Variants in NRXN1 observed in about 807,000 individuals in gnomAD.
NRXN1 encodes the protein neurexin-1.
In NRXN1, 39 loss-of-function variants were observed where a neutral mutation model predicts 150.9. That is an observed-to-expected ratio of 0.26 (90% CI 0.20 to 0.34). The LOEUF (loss-of-function observed/expected upper bound fraction) is 0.34. NRXN1 is among the 10% of genes least tolerant of loss of function. The pLI is 1.00. For missense variants in NRXN1, 1,815 were observed against 1,949.9 expected (o/e 0.93, Z 1.30); for synonymous variants, 924 against 757.0 (o/e 1.22, Z -3.62).
chr2:50,575,623 A>C (rs1671325271), intron 8 of NRXN1, among the ~76,000 whole-genome samples: 1 of 152,234 alleles, frequency 6.6e-6, no homozygotes. Flanking sequence ...ACAAATTCTA[A>C]AAATAGATAT....
At chr2:50,485,452 G>A (rs1047099660) in intron 15 of NRXN1, among the ~76,000 whole-genome samples, 3 of 152,248 alleles carry the variant, frequency 2.0e-5, no homozygotes, top group Admixed American at 6.5e-5. Flanking sequence ...GCTCTCAGAG[G>A]AGGGTCTCCT....
chr2:50,200,726 G>A (rs907836521), intron 18 of NRXN1, among the ~76,000 whole-genome samples: 2 of 152,062 alleles, frequency 1.3e-5, no homozygotes, highest in African/African-American at 4.8e-5. Context: ...CAGATACAAT[G>A]AATGAAATGA....
At chr2:50,432,301 C>T (rs903935663) in intron 17 of NRXN1, 1 of 152,156 alleles carries the variant, frequency 6.6e-6, no homozygotes, top group Non-Finnish European at 1.5e-5. Context: ...TTCTTTAATG[C>T]CTTTATTCTC....
intron 17 of NRXN1, among the ~76,000 whole-genome samples, chr2:50,404,202 T>G (rs950327162): frequency 1.4e-4 from 21 of 150,794 alleles, no homozygotes; most frequent in East Asian, 5.9e-4. Flanking sequence ...TGTTGTTGTT[T>G]TTGGTCATAG....
intron 8 of NRXN1, among the ~76,000 whole-genome samples, chr2:50,566,218 T>C (rs1486604920): frequency 6.6e-6 from 1 of 152,030 alleles, no homozygotes; most frequent in Non-Finnish European, 1.5e-5. Context: ...CTAATTGCCT[T>C]TGATTAGCTT....
At chr2:50,670,963 T>C (rs920613921) in intron 5 of NRXN1, among the ~76,000 whole-genome samples, 3 of 151,912 alleles carry the variant, frequency 2.0e-5, no homozygotes, top group Non-Finnish European at 1.5e-5. Flanking sequence ...TGTATCACTT[T>C]AGAGTTAATA....
At position 50,952,128 on chromosome 2, in the gene NRXN1, A is replaced by G. The variant is rs1028397403; in HGVS notation, c.773-26173T>C. Among the ~76,000 whole-genome samples the G allele has an allele frequency of 2.0e-3, 296 of 150,998 alleles. 4 individuals are homozygous for G. The highest frequency in any genetic ancestry group is 7.0e-3 in the African/African-American group (288 of 41,312). Reference sequence around the variant, plus strand: ...ACTATAGGCGCCTGCCACTACGCCCAGCTAATTTTTTGTATTTTTAGTAGA... The same window carrying G: ...ACTATAGGCGCCTGCCACTACGCCCGGCTAATTTTTTGTATTTTTAGTAGA... On this transcript the variant is annotated intron_variant, in intron 2 of 22. Coordinates refer to ENST00000401669, the MANE Select transcript of NRXN1 (RefSeq NM_001330078.2).
intron 17 of NRXN1, among the ~76,000 whole-genome samples, chr2:50,421,123 A>C (rs1279638954): frequency 2.0e-5 from 3 of 151,454 alleles, no homozygotes; most frequent in Non-Finnish European, 2.9e-5. Flanking sequence ...ATAATGCAGA[A>C]ATTTTTTTTT....
At chr2:50,522,422 C>T (rs1025888955) in intron 12 of NRXN1, among the ~76,000 whole-genome samples, 1 of 152,138 alleles carries the variant, frequency 6.6e-6, no homozygotes, top group African/African-American at 2.4e-5. Context: ...ATCAATAATG[C>T]TTAACGTGAA....
intron 18 of NRXN1, among the ~76,000 whole-genome samples, chr2:50,125,137 A>G (rs867042862): frequency 1.3e-5 from 2 of 152,156 alleles, no homozygotes; most frequent in Non-Finnish European, 2.9e-5. Flanking sequence ...CTAATCCTTT[A>G]TATTCTGAAC....
rs111558080 is a variant in NRXN1, at chr2:50,797,828, G to C, written c.832+124041C>G. On this transcript the variant is annotated intron_variant, in intron 5 of 22. Coordinates refer to ENST00000401669, the MANE Select transcript of NRXN1 (RefSeq NM_001330078.2). ...CATTAGTTCAAATATATTTTGACCAGAAGCTTCTCCTAGAGAAACTGTCAT... is the reference window on the plus strand; with the variant it reads ...CATTAGTTCAAATATATTTTGACCACAAGCTTCTCCTAGAGAAACTGTCAT... Among the ~76,000 whole-genome samples, 391 of 152,246 alleles carry C rather than the reference G, an allele frequency of 2.6e-3. 6 individuals carry two copies. The highest frequency in any genetic ancestry group is 8.8e-3 in the African/African-American group (367 of 41,568).
chr2:49,992,906 C>T (rs912477795), intron 21 of NRXN1, among the ~76,000 whole-genome samples: 10 of 152,168 alleles, frequency 6.6e-5, no homozygotes, highest in South Asian at 6.2e-4. Context: ...ACACTGACAA[C>T]ACCAAATGCT....
chr2:50,389,547 T>C (rs1014153953), intron 17 of NRXN1, among the ~76,000 whole-genome samples: 1 of 152,020 alleles, frequency 6.6e-6, no homozygotes, highest in Non-Finnish European at 1.5e-5. Flanking sequence ...TGATTCTTTG[T>C]CTTTTCTCTC....
At chr2:50,590,477 A>G (rs1221481749) in intron 8 of NRXN1, among the ~76,000 whole-genome samples, 2 of 152,150 alleles carry the variant, frequency 1.3e-5, no homozygotes, top group African/African-American at 4.8e-5. Flanking sequence ...CTAAGCAATG[A>G]GAGTGTGGGA....
At chr2:50,438,128 ATT>A (rs2085610591) in intron 17 of NRXN1, among the ~76,000 whole-genome samples, 1 of 152,116 alleles carries the variant, frequency 6.6e-6, no homozygotes, top group African/African-American at 2.4e-5. Flanking sequence ...AATCAAAAAA[ATT>A]TTCCCAGGTC....
chr2:50,242,596 A>G lies in NRXN1; in HGVS notation c.3365-5626T>C, dbSNP rs186808692. Among the ~76,000 whole-genome samples, 78 of 151,892 alleles carry G rather than the reference A, an allele frequency of 5.1e-4. 2 individuals carry two copies. The East Asian group carries it at 0.013, about 26-fold the overall frequency. On this transcript the variant is annotated intron_variant, in intron 17 of 22. Transcript: ENST00000401669. The stretch of plus-strand genomic sequence containing the variant: ...TAATGGAATCAAGTAATGAGTTTCT[A>G]CCTATAATATGTAACCACTTCTAGA...
chr2:50,364,046 C>T (rs546220426), intron 17 of NRXN1, among the ~76,000 whole-genome samples: 1 of 152,068 alleles, frequency 6.6e-6, no homozygotes, highest in South Asian at 2.1e-4. Flanking sequence ...ACAATGAGAA[C>T]ACATGGACAC....
intron 9 of NRXN1, among the ~76,000 whole-genome samples, chr2:50,547,925 T>C (rs961240064): frequency 2.0e-5 from 3 of 152,178 alleles, no homozygotes; most frequent in Non-Finnish European, 4.4e-5. Flanking sequence ...AGAGTGAATT[T>C]TCCCCATGTC....
chr2:50,080,698 A>T (rs1697825985), intron 19 of NRXN1, among the ~76,000 whole-genome samples: 1 of 152,176 alleles, frequency 6.6e-6, no homozygotes, highest in African/African-American at 2.4e-5. Flanking sequence ...CATTCTTATG[A>T]TCCTATTTTG....
Sources: gnomAD v4.1 joint callset for allele counts (sites outside exome capture counted in the v4.1 genomes callset) on GRCh38, gnomAD v4.1.1 for gene constraint, MANE v1.5 for transcripts, NCBI Gene and HGNC (gene_info 2026-07-23, HGNC 2026-07-21) for gene names.